NDST4: variants seen among roughly 807,000 people sequenced by gnomAD.
The protein encoded by NDST4 is N-deacetylase and N-sulfotransferase 4, also known as N-heparan sulfate sulfotransferase 4.
In NDST4, 63 loss-of-function variants were observed where a neutral mutation model predicts 100.8. The observed-to-expected ratio is 0.62, with a 90% CI of 0.51 to 0.77. The LOEUF is 0.77. Ranked by LOEUF, NDST4 falls within the 30% of genes least tolerant of loss-of-function variation. The pLI, the probability that NDST4 is intolerant of heterozygous loss-of-function variation, is 0.00. For synonymous variants in NDST4, 377 were observed against 361.8 expected, an observed-to-expected ratio of 1.04 and a Z score of -0.48; for missense variants, 943 against 1,018.4, an observed-to-expected ratio of 0.93 and a Z score of 1.01.
At chr4:115,110,216 AC>A (rs1042540352) in intron 1 of NDST4, among the ~76,000 whole-genome samples, 3 of 151,938 alleles carry the variant, frequency 2.0e-5, no homozygotes, top group African/African-American at 7.2e-5. Context: ...TGCAAATAAC[AC>A]CTCTAACTTC....
At chr4:115,109,653 C>G (rs1014210288) in intron 1 of NDST4, among the ~76,000 whole-genome samples, 3 of 151,752 alleles carry the variant, frequency 2.0e-5, no homozygotes, top group Non-Finnish European at 4.4e-5. Flanking sequence ...AGTTTTAACC[C>G]TTTTTTCTCA....
At chr4:115,090,195 G>A (rs1486317435) in intron 1 of NDST4, among the ~76,000 whole-genome samples, 1 of 151,452 alleles carries the variant, frequency 6.6e-6, no homozygotes, top group Non-Finnish European at 1.5e-5. Flanking sequence ...TTTCAGAGAA[G>A]GAAATATATA....
At chr4:114,862,965 A>G (rs1335358371) in intron 7 of NDST4, among the ~76,000 whole-genome samples, 1 of 152,128 alleles carries the variant, frequency 6.6e-6, no homozygotes, top group East Asian at 1.9e-4. Flanking sequence ...CTTTTATATT[A>G]TGCTATTTTA....
intron 2 of NDST4, among the ~76,000 whole-genome samples, chr4:115,014,595 C>T (rs1433727124): frequency 6.6e-6 from 1 of 152,002 alleles, no homozygotes; most frequent in African/African-American, 2.4e-5. Context: ...GAAAAAGGCT[C>T]TGCAGTAAGT....
chr4:114,844,786 C>T (rs1462788805), intron 10 of NDST4, among the ~76,000 whole-genome samples: 2 of 152,152 alleles, frequency 1.3e-5, no homozygotes, highest in East Asian at 3.9e-4. Context: ...ACACTTTCCT[C>T]TTGTTATTAT....
chr4:115,048,485 G>T (rs1242721316), intron 2 of NDST4, among the ~76,000 whole-genome samples: 2 of 152,108 alleles, frequency 1.3e-5, no homozygotes, highest in Admixed American at 1.3e-4. Context: ...AAAGTTTGCA[G>T]ATTATTGCAT....
Position 114,848,203 on chromosome 4 carries a change from T to C in NDST4, c.1940+12A>G, listed in dbSNP as rs1309554152. ...GTTAATAATGGAATTTATTTTTTGT[T>C]ATTTTTCTTACCAGTCTATTCCTTT... On this transcript the variant is annotated intron_variant, in intron 9 of 13. Transcript: ENST00000264363. The C allele has an allele frequency of 6.3e-7, 1 of 1,586,202 alleles. No homozygotes were observed. The highest frequency in any genetic ancestry group is 1.4e-5 in the African/African-American group (1 of 73,360).
chr4:114,858,135 G>A (rs995067582), intron 7 of NDST4, among the ~76,000 whole-genome samples: 1 of 152,194 alleles, frequency 6.6e-6, no homozygotes, highest in East Asian at 1.9e-4. Flanking sequence ...GTTACTGCCA[G>A]TGCTGAATAT....
chr4:114,842,618 T>TTAAAAAA (rs1723450737), intron 10 of NDST4: 1 of 38,874 alleles, frequency 2.6e-5, no homozygotes, highest in Non-Finnish European at 4.8e-5. Context: ...CAGTCTCTAC[T>TTAAAAAA]AAAAAAAAAA....
chr4:114,869,305 T>C (rs1170595763), intron 7 of NDST4, among the ~76,000 whole-genome samples: 1 of 151,952 alleles, frequency 6.6e-6, no homozygotes, highest in Non-Finnish European at 1.5e-5. Context: ...CTGGAGGCCA[T>C]TGAAGGATTC....
At chr4:114,918,655 C>T (rs1332587703) in intron 6 of NDST4, among the ~76,000 whole-genome samples, 1 of 152,090 alleles carries the variant, frequency 6.6e-6, no homozygotes, top group Non-Finnish European at 1.5e-5. Flanking sequence ...ACCTGTCCCA[C>T]CCCTCCCCTG....
chr4:114,899,173 T>TTTTTTG (rs1560802132), intron 6 of NDST4, among the ~76,000 whole-genome samples: 5 of 151,838 alleles, frequency 3.3e-5, no homozygotes, highest in African/African-American at 4.8e-5. Flanking sequence ...ATTTTTATCG[T>TTTTTTG]TTTTTGTTTT....
intron 2 of NDST4, among the ~76,000 whole-genome samples, chr4:115,022,628 A>G (rs1560570357): frequency 1.3e-5 from 2 of 151,948 alleles, no homozygotes; most frequent in East Asian, 1.9e-4. Context: ...CAGGAATGGT[A>G]AACCAAATGA....
intron 2 of NDST4, among the ~76,000 whole-genome samples, chr4:115,013,486 A>C (rs6810389): frequency 0.068 from 10,329 of 151,296 alleles, 1,154 homozygotes; most frequent in African/African-American, 0.23. Flanking sequence ...TTGACCAGGG[A>C]AAATGTGTAC....
intron 2 of NDST4, among the ~76,000 whole-genome samples, chr4:115,039,161 G>A (rs1467961879): frequency 6.6e-6 from 1 of 152,080 alleles, no homozygotes; most frequent in Non-Finnish European, 1.5e-5. Flanking sequence ...ACTACCTATA[G>A]GTGAGAAATT....
intron 6 of NDST4, among the ~76,000 whole-genome samples, chr4:114,882,401 A>G (rs879513607): frequency 1.3e-5 from 2 of 152,090 alleles, no homozygotes; most frequent in Non-Finnish European, 2.9e-5. Context: ...TATATTCCTG[A>G]AGAACCACAT....
At chr4:114,972,282 CT>C (rs966521038) in intron 3 of NDST4, among the ~76,000 whole-genome samples, 1 of 151,912 alleles carries the variant, frequency 6.6e-6, no homozygotes, top group African/African-American at 2.4e-5. Flanking sequence ...CAACTTCTTT[CT>C]TTTATGTATA....
At chr4:115,039,747 T>C (rs1005754027) in intron 2 of NDST4, among the ~76,000 whole-genome samples, 1 of 152,076 alleles carries the variant, frequency 6.6e-6, no homozygotes. Flanking sequence ...TGGTATATAA[T>C]AACATTTACC....
intron 2 of NDST4, among the ~76,000 whole-genome samples, chr4:114,999,231 T>C (rs1727230481): frequency 6.6e-6 from 1 of 152,108 alleles, no homozygotes; most frequent in South Asian, 2.1e-4. Flanking sequence ...AGAACAGCTG[T>C]TATGAAGCAC....
Sources: gnomAD v4.1 joint callset for allele counts (sites outside exome capture counted in the v4.1 genomes callset) on GRCh38, gnomAD v4.1.1 for gene constraint, MANE v1.5 for transcripts, NCBI Gene and HGNC (gene_info 2026-07-23, HGNC 2026-07-21) for gene names.